The following AGBL4 variants were observed in gnomAD, a reference collection of about 807,000 sequenced individuals.
AGBL4 encodes the protein cytosolic carboxypeptidase 6.
Under a neutral mutation model 66.4 loss-of-function variants are expected in AGBL4, and 58 were observed. The ratio of observed to expected loss-of-function variants is 0.87; its 90% CI spans 0.71 to 1.09. AGBL4 has a LOEUF of 1.09. AGBL4 is among the 50% of genes least tolerant of loss of function. The probability of loss-of-function intolerance (pLI) is 0.00; values close to 1 mark genes in which losing one functional copy is unlikely to be tolerated. For missense variants in AGBL4, 579 were observed against 631.0 expected (o/e 0.92, Z 0.88); for synonymous variants, 234 against 222.9 (o/e 1.05, Z -0.44).
intron 6 of AGBL4, among the ~76,000 whole-genome samples, chr1:48,770,693 T>C (rs1209049267): frequency 6.6e-6 from 1 of 152,176 alleles, no homozygotes; most frequent in Non-Finnish European, 1.5e-5. Context: ...GGTCTCAAGC[T>C]ACTCATCATT....
At chr1:49,971,151 G>A (rs1658047103) in intron 1 of AGBL4, among the ~76,000 whole-genome samples, 1 of 152,110 alleles carries the variant, frequency 6.6e-6, no homozygotes, top group African/African-American at 2.4e-5. Flanking sequence ...GTCAACCTTA[G>A]TCCAAAAATA....
intron 6 of AGBL4, among the ~76,000 whole-genome samples, chr1:48,863,989 C>T (rs907313365): frequency 6.6e-6 from 1 of 151,954 alleles, no homozygotes; most frequent in African/African-American, 2.4e-5. Context: ...CAAAACACAT[C>T]ATGGAAAAAA....
At chr1:49,087,035 A>C (rs1209163695) in intron 4 of AGBL4, among the ~76,000 whole-genome samples, 3 of 146,808 alleles carry the variant, frequency 2.0e-5, no homozygotes, top group Non-Finnish European at 4.4e-5. Context: ...AGAAGGTAAA[A>C]GAAAAAAAAA....
chr1:49,363,726 A>G (rs1644187162), intron 3 of AGBL4, among the ~76,000 whole-genome samples: 2 of 152,164 alleles, frequency 1.3e-5, no homozygotes, highest in African/African-American at 4.8e-5. Flanking sequence ...CACATTCTCT[A>G]CAATGTTGGA....
chr1:49,950,173 T>TACAC (rs1450258559), intron 1 of AGBL4, among the ~76,000 whole-genome samples: 1 of 146,206 alleles, frequency 6.8e-6, no homozygotes, highest in Non-Finnish European at 1.5e-5. Context: ...CATATATATA[T>TACAC]ACATATGTAT....
intron 5 of AGBL4, among the ~76,000 whole-genome samples, chr1:48,982,310 A>G (rs1367227873): frequency 6.6e-6 from 1 of 152,090 alleles, no homozygotes; most frequent in African/African-American, 2.4e-5. Flanking sequence ...CTCGTCATTT[A>G]ACATTAGGTA....
At position 49,568,573 on chromosome 1, in the gene AGBL4, C is replaced by T. The variant is rs566552127; in HGVS notation, c.282+128740G>A. Among the ~76,000 whole-genome samples, 68 of 150,188 alleles carry T rather than the reference C, an allele frequency of 4.5e-4. No homozygotes were observed. In the Middle Eastern group the frequency reaches 0.011, roughly 24 times the overall value. On this transcript the variant is annotated intron_variant, in intron 3 of 13. Coordinates refer to ENST00000371839, the MANE Select transcript of AGBL4 (RefSeq NM_032785.4). ...AATCAATATTGTTAAAATGGCAATACTGACCAAAGTTATTTATAAATTCAA... is the reference window on the plus strand; with the variant it reads ...AATCAATATTGTTAAAATGGCAATATTGACCAAAGTTATTTATAAATTCAA...
At chr1:48,902,621 A>G (rs1652194577) in intron 5 of AGBL4, among the ~76,000 whole-genome samples, 1 of 152,122 alleles carries the variant, frequency 6.6e-6, no homozygotes, top group African/African-American at 2.4e-5. Context: ...TATTCAAGGA[A>G]TACAGAAGGA....
At chr1:49,570,504 CATT>C (rs1644305280) in intron 3 of AGBL4, among the ~76,000 whole-genome samples, 1 of 151,988 alleles carries the variant, frequency 6.6e-6, no homozygotes, top group African/African-American at 2.4e-5. Context: ...CTGTTAGATG[CATT>C]ATTTCCAAAT....
chr1:49,158,763 C>T (rs187181087), intron 4 of AGBL4, among the ~76,000 whole-genome samples: 1 of 151,882 alleles, frequency 6.6e-6, no homozygotes, highest in African/African-American at 2.4e-5. Flanking sequence ...ATATTGGCCG[C>T]ATATATATTT....
chr1:48,672,453 G>A (rs1038242852), intron 6 of AGBL4, among the ~76,000 whole-genome samples: 2 of 152,194 alleles, frequency 1.3e-5, no homozygotes, highest in African/African-American at 2.4e-5. Flanking sequence ...GATGTCACTC[G>A]AGGAGCCAAC....
chr1:48,588,833 A>AAG, intron 10 of AGBL4, among the ~76,000 whole-genome samples: 1 of 151,006 alleles, frequency 6.6e-6, no homozygotes, highest in South Asian at 2.1e-4. Context: ...AAGAGAAGAG[A>AAG]AGAGAAGAGA....
At chr1:49,969,661 G>T (rs1006837536) in intron 1 of AGBL4, among the ~76,000 whole-genome samples, 1 of 151,992 alleles carries the variant, frequency 6.6e-6, no homozygotes, top group African/African-American at 2.4e-5. Flanking sequence ...CTTCATTCAG[G>T]TTCATCTATG....
At chr1:48,904,901 C>T (rs1295229837) in intron 5 of AGBL4, among the ~76,000 whole-genome samples, 3 of 120,012 alleles carry the variant, frequency 2.5e-5, no homozygotes, top group Non-Finnish European at 5.4e-5. Flanking sequence ...CATGCTTCTT[C>T]CCAGTGTCAT....
intron 3 of AGBL4, among the ~76,000 whole-genome samples, chr1:49,296,788 C>T (rs1644651802): frequency 1.3e-5 from 2 of 152,164 alleles, no homozygotes; most frequent in Admixed American, 1.3e-4. Context: ...GGGAGATAAA[C>T]TTAGTTAAGG....
At chr1:48,606,640 A>G (rs1645157849) in intron 9 of AGBL4, among the ~76,000 whole-genome samples, 1 of 152,140 alleles carries the variant, frequency 6.6e-6, no homozygotes, top group Admixed American at 6.5e-5. Context: ...TCCAGATCTG[A>G]CACTCCATAG....
intron 1 of AGBL4, among the ~76,000 whole-genome samples, chr1:49,908,951 T>C (rs1650548940): frequency 6.6e-6 from 1 of 152,148 alleles, no homozygotes; most frequent in South Asian, 2.1e-4. Flanking sequence ...TCACTGACAA[T>C]TGCTATTTAT....
intron 5 of AGBL4, among the ~76,000 whole-genome samples, chr1:48,877,317 C>T (rs915666134): frequency 6.6e-6 from 1 of 152,028 alleles, no homozygotes; most frequent in Admixed American, 6.6e-5. Flanking sequence ...GCTGTTTTAA[C>T]TGAAGATTTA....
chr1:49,416,507 T>C lies in AGBL4; in HGVS notation c.283-170643A>G, dbSNP rs376382918. ...AATAATTATGGGGTTGCCATGGAGA[T>C]CAGATGACATATGTGAATATGCTTT... On this transcript the variant is annotated intron_variant, in intron 3 of 13. Coordinates refer to ENST00000371839, the MANE Select transcript of AGBL4 (RefSeq NM_032785.4). 1.6e-3 allele frequency among the ~76,000 whole-genome samples: 239 copies of C among 152,282 alleles called. 1 individual carries two copies. Among genetic ancestry groups the C allele is most frequent in the African/African-American group, 4.9e-3 (204 of 41,578 alleles).
Sources: gnomAD v4.1 joint callset for allele counts (sites outside exome capture counted in the v4.1 genomes callset) on GRCh38, gnomAD v4.1.1 for gene constraint, MANE v1.5 for transcripts, NCBI Gene and HGNC (gene_info 2026-07-23, HGNC 2026-07-21) for gene names.